Variants in CSMD1 observed in about 807,000 individuals in gnomAD.
The protein encoded by CSMD1 is CUB and Sushi multiple domains 1.
In CSMD1, 213 loss-of-function variants were observed where a neutral mutation model predicts 417.5. The ratio of observed to expected loss-of-function variants is 0.51; its 90% confidence interval spans 0.46 to 0.57. The LOEUF is 0.57. Among genes scored for constraint, CSMD1 ranks in the 20% least tolerant of loss-of-function variants. The pLI, the probability that CSMD1 is intolerant of heterozygous loss-of-function variation, is 0.00. For missense variants in CSMD1, 6,923 were observed against 4,529.7 expected, an observed-to-expected ratio of 1.53 and a Z score of -15.17; for synonymous variants, 2,862 against 1,736.8, an observed-to-expected ratio of 1.65 and a Z score of -16.11.
chr8:3,573,324 T>C (rs1473672322), intron 10 of CSMD1, among the ~76,000 whole-genome samples: 5 of 152,190 alleles, frequency 3.3e-5, no homozygotes, highest in African/African-American at 1.2e-4. Context: ...AATAATAGTT[T>C]CTTGGTAAAA....
At chr8:4,356,008 T>C (rs1477074522) in intron 3 of CSMD1, among the ~76,000 whole-genome samples, 2 of 152,196 alleles carry the variant, frequency 1.3e-5, no homozygotes, top group Non-Finnish European at 2.9e-5. Context: ...ATGTGGCATT[T>C]GGTTACTTAA....
At chr8:4,308,996 C>G (rs1476876807) in intron 3 of CSMD1, among the ~76,000 whole-genome samples, 1 of 152,166 alleles carries the variant, frequency 6.6e-6, no homozygotes, top group Non-Finnish European at 1.5e-5. Flanking sequence ...ATTCCTAAAA[C>G]TAGGTGAGAA....
rs542594344 is a variant in CSMD1, at chr8:4,415,552, T to C, written c.415+4401A>G. ...CTGTTTTATAAAGCCGGAATGACTATTGAGTCACACCAATTACACCAGTGT... is the reference window on the plus strand; with the variant it reads ...CTGTTTTATAAAGCCGGAATGACTACTGAGTCACACCAATTACACCAGTGT... On this transcript the variant is annotated intron_variant, in intron 3 of 69. Transcript: ENST00000635120. Among the ~76,000 whole-genome samples, 64 of 152,348 alleles carry C rather than the reference T, an allele frequency of 4.2e-4. 1 individual carries two copies. The highest frequency in any genetic ancestry group is 6.8e-3 in the Middle Eastern group (2 of 294).
chr8:4,498,423 C>T (rs1255259925), intron 2 of CSMD1, among the ~76,000 whole-genome samples: 1 of 152,092 alleles, frequency 6.6e-6, no homozygotes, highest in Non-Finnish European at 1.5e-5. Context: ...AATATTAATG[C>T]ATGCTTCAGA....
chr8:3,409,225 T>C (rs1214091719), intron 13 of CSMD1, among the ~76,000 whole-genome samples, 198 bp downstream of exon 13: 1 of 152,240 alleles, frequency 6.6e-6, no homozygotes, highest in Non-Finnish European at 1.5e-5. Context: ...AATGAAACTA[T>C]AAATTAGTTT....
At chr8:3,628,845 T>A (rs897157540) in intron 7 of CSMD1, among the ~76,000 whole-genome samples, 27 of 151,008 alleles carry the variant, frequency 1.8e-4, no homozygotes, top group African/African-American at 6.6e-4. Context: ...TCTTAAGTGG[T>A]TCTAGTAACC....
intron 2 of CSMD1, among the ~76,000 whole-genome samples, chr8:4,512,017 T>C (rs1392943530): frequency 1.1e-4 from 16 of 152,140 alleles, no homozygotes; most frequent in Admixed American, 1.0e-3. Context: ...TCGTTTCTCA[T>C]GGACATGGTT....
chr8:4,409,553 A>T (rs912010382), intron 3 of CSMD1, among the ~76,000 whole-genome samples: 1 of 152,276 alleles, frequency 6.6e-6, no homozygotes, highest in African/African-American at 2.4e-5. Context: ...TTAATTCAGA[A>T]CATGCCACTC....
At chr8:4,426,560 T>A (rs546793488) in intron 2 of CSMD1, among the ~76,000 whole-genome samples, 1 of 147,344 alleles carries the variant, frequency 6.8e-6, no homozygotes, top group Non-Finnish European at 1.5e-5. Flanking sequence ...ATATTTACTA[T>A]AGTATAGTAT....
chr8:4,719,099 T>C (rs1808878722), intron 1 of CSMD1, among the ~76,000 whole-genome samples: 1 of 152,112 alleles, frequency 6.6e-6, no homozygotes, highest in Non-Finnish European at 1.5e-5. Flanking sequence ...GGTTGGTTTC[T>C]GCACAAAGAA....
chr8:4,585,440 A>G (rs908472259), intron 2 of CSMD1, among the ~76,000 whole-genome samples: 1 of 152,204 alleles, frequency 6.6e-6, no homozygotes, highest in Non-Finnish European at 1.5e-5. Context: ...AACGTGGAAT[A>G]TGGGCAAAAT....
chr8:4,380,637 A>T (rs1307699651), intron 3 of CSMD1, among the ~76,000 whole-genome samples: 1 of 152,156 alleles, frequency 6.6e-6, no homozygotes, highest in African/African-American at 2.4e-5. Flanking sequence ...GTAGTCATTA[A>T]AGTGTCAATA....
At chr8:4,231,353 A>T (rs1801715729) in intron 3 of CSMD1, among the ~76,000 whole-genome samples, 1 of 152,132 alleles carries the variant, frequency 6.6e-6, no homozygotes, top group Non-Finnish European at 1.5e-5. Context: ...ATCACCTAGC[A>T]TTGCTGGATA....
At chr8:3,944,533 C>T (rs1430496769) in intron 5 of CSMD1, among the ~76,000 whole-genome samples, 1 of 151,948 alleles carries the variant, frequency 6.6e-6, no homozygotes, top group Admixed American at 6.6e-5. Flanking sequence ...GTTTTAATTA[C>T]CACACATATA....
At chr8:3,525,060 T>G (rs1364261757) in intron 10 of CSMD1, among the ~76,000 whole-genome samples, 1 of 152,176 alleles carries the variant, frequency 6.6e-6, no homozygotes, top group Admixed American at 6.6e-5. Flanking sequence ...GAATAAACTC[T>G]ATCTGAAAAG....
chr8:3,376,139 A>G (rs1810287711), intron 18 of CSMD1, among the ~76,000 whole-genome samples: 1 of 152,174 alleles, frequency 6.6e-6, no homozygotes, highest in Non-Finnish European at 1.5e-5. Context: ...CAGGTTCTCA[A>G]TAAATGCTTG....
intron 3 of CSMD1, among the ~76,000 whole-genome samples, chr8:4,343,338 C>G (rs557274830): frequency 6.6e-6 from 1 of 151,888 alleles, no homozygotes. Context: ...GAATACATTC[C>G]GGAGATCTAA....
At chr8:3,226,103 T>C (rs1378700854) in intron 27 of CSMD1, among the ~76,000 whole-genome samples, 1 of 152,174 alleles carries the variant, frequency 6.6e-6, no homozygotes, top group African/African-American at 2.4e-5. Context: ...GTTCACACCG[T>C]TGGGGGCGAT....
At chr8:4,635,800 C>G (rs1421516532) in intron 2 of CSMD1, among the ~76,000 whole-genome samples, 3 of 151,976 alleles carry the variant, frequency 2.0e-5, no homozygotes, top group Non-Finnish European at 4.4e-5. Flanking sequence ...TATGTAGATA[C>G]TTTGTTCAAA....
Sources: gnomAD v4.1 joint callset for allele counts (sites outside exome capture counted in the v4.1 genomes callset) on GRCh38, gnomAD v4.1.1 for gene constraint, MANE v1.5 for transcripts, NCBI Gene and HGNC (gene_info 2026-07-23, HGNC 2026-07-21) for gene names.